The following CDH12 variants were observed in gnomAD, a reference collection of about 807,000 sequenced individuals.
The protein encoded by CDH12 is cadherin 12.
A neutral mutation model predicts 74.1 loss-of-function variants in CDH12; 41 were observed. That is an observed-to-expected ratio of 0.55 (90% CI 0.43 to 0.72). The LOEUF (loss-of-function observed/expected upper bound fraction) is 0.72, where lower values mean the gene tolerates loss of function less well. Ranked by LOEUF, CDH12 falls within the 30% of genes least tolerant of loss-of-function variation. The pLI is 0.00. For synonymous variants in CDH12, 399 were observed against 355.0 expected (o/e 1.12, Z -1.39); for missense variants, 945 against 977.2 (o/e 0.97, Z 0.44).
chr5:22,148,780 C>T (rs1430906895), intron 4 of CDH12, among the ~76,000 whole-genome samples: 1 of 152,124 alleles, frequency 6.6e-6, no homozygotes, highest in Non-Finnish European at 1.5e-5. Flanking sequence ...TTGTATAACT[C>T]CCCTGCATCT....
chr5:22,380,320 T>C (rs956478482), intron 3 of CDH12, among the ~76,000 whole-genome samples: 1 of 152,224 alleles, frequency 6.6e-6, no homozygotes, highest in South Asian at 2.1e-4. Context: ...AGCCTTCACA[T>C]AGGCAAATTT....
At chr5:22,621,889 G>A (rs1246255548) in intron 1 of CDH12, among the ~76,000 whole-genome samples, 1 of 151,714 alleles carries the variant, frequency 6.6e-6, no homozygotes, top group East Asian at 1.9e-4. Context: ...ACTAGGCTCT[G>A]GTACAATCAT....
chr5:22,825,752 G>A (rs2126487559), intron 1 of CDH12, among the ~76,000 whole-genome samples: 1 of 152,256 alleles, frequency 6.6e-6, no homozygotes, highest in Admixed American at 6.5e-5. Context: ...GTTTTCAGCA[G>A]ACTTGTGTAG....
chr5:22,350,557 G>A (rs552462488), intron 3 of CDH12, among the ~76,000 whole-genome samples: 128 of 152,224 alleles, frequency 8.4e-4, no homozygotes, highest in Middle Eastern at 3.4e-3. Flanking sequence ...TCTCCATAGG[G>A]TTTGTTCAAT....
intron 1 of CDH12, among the ~76,000 whole-genome samples, chr5:22,536,900 A>C (rs1474503318): frequency 6.6e-6 from 1 of 152,216 alleles, no homozygotes; most frequent in Non-Finnish European, 1.5e-5. Flanking sequence ...TTTCTGATAT[A>C]AATGGCCTCC....
intron 1 of CDH12, among the ~76,000 whole-genome samples, chr5:22,514,559 TG>T (rs1736731488): frequency 6.6e-6 from 1 of 152,158 alleles, no homozygotes; most frequent in African/African-American, 2.4e-5. Flanking sequence ...TAAAGTTTAT[TG>T]TTGCTTCTAG....
chr5:22,845,286 T>C (rs1338175406), intron 1 of CDH12, among the ~76,000 whole-genome samples: 1 of 152,124 alleles, frequency 6.6e-6, no homozygotes, highest in African/African-American at 2.4e-5. Flanking sequence ...GATTAGTACA[T>C]TTATAGGCCA....
intron 3 of CDH12, among the ~76,000 whole-genome samples, chr5:22,296,095 T>C (rs757089987): frequency 6.6e-6 from 1 of 151,824 alleles, no homozygotes; most frequent in Admixed American, 6.6e-5. Context: ...AGAAAAATAA[T>C]GCTTAAAGGG....
intron 2 of CDH12, among the ~76,000 whole-genome samples, chr5:22,439,969 T>C (rs576393773): frequency 6.6e-6 from 1 of 152,082 alleles, no homozygotes; most frequent in Non-Finnish European, 1.5e-5. Flanking sequence ...TTTTCAACAT[T>C]GAGACATCAT....
chr5:22,086,449 A>G (rs1743074231), intron 4 of CDH12, among the ~76,000 whole-genome samples: 1 of 152,016 alleles, frequency 6.6e-6, no homozygotes. Context: ...GGTTTAAACA[A>G]TTCTCTGCCT....
At chr5:22,030,309 G>C (rs973067108) in intron 5 of CDH12, among the ~76,000 whole-genome samples, 1 of 152,028 alleles carries the variant, frequency 6.6e-6, no homozygotes, top group Non-Finnish European at 1.5e-5. Flanking sequence ...TCTTGAATGA[G>C]ACTTGAAAGT....
chr5:22,570,505 G>A (rs139414220), intron 1 of CDH12, among the ~76,000 whole-genome samples: 82 of 151,958 alleles, frequency 5.4e-4, no homozygotes, highest in African/African-American at 1.8e-3. Flanking sequence ...CAATGTCTAT[G>A]AGCAGTAATA....
intron 1 of CDH12, among the ~76,000 whole-genome samples, chr5:22,666,196 T>G (rs1390446400): frequency 6.6e-6 from 1 of 152,148 alleles, no homozygotes; most frequent in African/African-American, 2.4e-5. Context: ...ACACCCTTTT[T>G]TAAGTCACCA....
intron 1 of CDH12, among the ~76,000 whole-genome samples, chr5:22,574,535 C>T (rs1451305612): frequency 6.6e-6 from 1 of 152,124 alleles, no homozygotes; most frequent in Non-Finnish European, 1.5e-5. Flanking sequence ...GTACCTTCCA[C>T]ATATAGTAGG....
At chr5:22,233,978 G>T (rs1281237001) in intron 3 of CDH12, among the ~76,000 whole-genome samples, 2 of 152,062 alleles carry the variant, frequency 1.3e-5, no homozygotes, top group Non-Finnish European at 1.5e-5. Context: ...ATTTGAATTA[G>T]TTTATATAAA....
In CDH12 at chr5:22,268,593, T is replaced by C. The variant is rs183816258; in HGVS notation, c.-332-55950A>G. The stretch of plus-strand genomic sequence containing the variant: ...TTTTGTAAAAAAAAACTCTACAATT[T>C]ATTATAAGATGTTAAGGTTTAGGCA... On this transcript the variant is annotated intron_variant, in intron 3 of 14. Transcript: ENST00000382254. Among the ~76,000 whole-genome samples the C allele has an allele frequency of 3.2e-4, 49 of 152,242 alleles. No homozygotes were observed. The East Asian group carries it at 9.5e-3, about 29-fold the overall frequency.
chr5:22,238,457 G>C (rs1220737882), intron 3 of CDH12, among the ~76,000 whole-genome samples: 1 of 152,152 alleles, frequency 6.6e-6, no homozygotes, highest in African/African-American at 2.4e-5. Flanking sequence ...TCACTGTAAA[G>C]AAAGTCTATA....
chr5:21,833,654 T>C (rs1404023477), intron 8 of CDH12, among the ~76,000 whole-genome samples: 3 of 122,570 alleles, frequency 2.4e-5, no homozygotes, highest in Non-Finnish European at 4.9e-5. Flanking sequence ...TGCATACAAA[T>C]GATTCAAGGA....
chr5:22,251,421 A>C (rs979827837), intron 3 of CDH12, among the ~76,000 whole-genome samples: 1 of 152,212 alleles, frequency 6.6e-6, no homozygotes, highest in Non-Finnish European at 1.5e-5. Context: ...ACACCAGTGT[A>C]CACTGGAATT....
Sources: gnomAD v4.1 joint callset for allele counts (sites outside exome capture counted in the v4.1 genomes callset) on GRCh38, gnomAD v4.1.1 for gene constraint, MANE v1.5 for transcripts, NCBI Gene and HGNC (gene_info 2026-07-23, HGNC 2026-07-21) for gene names.